Variants in AGBL3 observed in about 807,000 individuals in gnomAD.
AGBL3 encodes the protein AGBL carboxypeptidase 3.
A neutral mutation model predicts 94.5 loss-of-function variants in AGBL3; 68 were observed. The observed-to-expected ratio is 0.72, with a 90% confidence interval of 0.59 to 0.88. The LOEUF (loss-of-function observed/expected upper bound fraction) is 0.88, where lower values mean the gene tolerates loss of function less well. AGBL3 is among the 40% of genes least tolerant of loss of function. The probability of loss-of-function intolerance (pLI) is 0.00; values close to 1 mark genes in which losing one functional copy is unlikely to be tolerated. For missense variants in AGBL3, 934 were observed against 1,103.8 expected, an observed-to-expected ratio of 0.85 and a Z score of 2.18; for synonymous variants, 354 against 370.7, an observed-to-expected ratio of 0.95 and a Z score of 0.52.
intron 16 of AGBL3, among the ~76,000 whole-genome samples, chr7:135,123,265 C>T (rs576248390): frequency 6.6e-6 from 1 of 152,102 alleles, no homozygotes; most frequent in South Asian, 2.1e-4. Flanking sequence ...TATCAATAGC[C>T]GAATCGACCA....
At chr7:134,998,718 G>A (rs1811323594) in intron 4 of AGBL3, among the ~76,000 whole-genome samples, 1 of 152,194 alleles carries the variant, frequency 6.6e-6, no homozygotes. Context: ...TGAAGACACA[G>A]TCCACCCCGT....
chr7:135,107,887 G>A (rs1824988159), intron 15 of AGBL3, among the ~76,000 whole-genome samples: 1 of 151,986 alleles, frequency 6.6e-6, no homozygotes, highest in South Asian at 2.1e-4. Flanking sequence ...TATGAATCTG[G>A]GTGCTCCTGT....
intron 15 of AGBL3, among the ~76,000 whole-genome samples, chr7:135,096,338 G>GGAAA (rs1181617698): frequency 3.4e-5 from 5 of 146,130 alleles, no homozygotes; most frequent in East Asian, 2.0e-4. Context: ...AAGAAAAAGA[G>GGAAA]GAAAGAAAGA....
chr7:135,096,584 C>CATAGATAG (rs71172496), intron 15 of AGBL3, among the ~76,000 whole-genome samples: 14,951 of 88,034 alleles, frequency 0.17, 1,300 homozygotes, highest in East Asian at 0.2. Context: ...TAGATAGATA[C>CATAGATAG]ATAGATAGAT....
intron 16 of AGBL3, 42 bp downstream of exon 16, chr7:135,115,653 T>C (rs1433689004): frequency 2.1e-6 from 3 of 1,403,288 alleles, no homozygotes; most frequent in South Asian, 2.8e-5. Flanking sequence ...ATTTAACACA[T>C]CTTTTTTAAA....
chr7:135,018,829 T>C (rs904582822), intron 5 of AGBL3, among the ~76,000 whole-genome samples: 2 of 152,228 alleles, frequency 1.3e-5, no homozygotes, highest in African/African-American at 4.8e-5. Flanking sequence ...TGGTTAGTTT[T>C]TATTTTGAAT....
intron 11 of AGBL3, among the ~76,000 whole-genome samples, chr7:135,058,588 T>G (rs1437647682): frequency 6.6e-6 from 1 of 152,104 alleles, no homozygotes; most frequent in Admixed American, 6.5e-5. Context: ...CAAGCACTAT[T>G]TCCACTCTGG....
At chr7:135,075,158 G>T (rs1434632198) in intron 12 of AGBL3, among the ~76,000 whole-genome samples, 1 of 152,114 alleles carries the variant, frequency 6.6e-6, no homozygotes, top group East Asian at 1.9e-4. Context: ...TCAAAATGCT[G>T]ACCATTTCCA....
chr7:135,101,039 T>G, intron 15 of AGBL3: 2 of 380,060 alleles, frequency 5.3e-6, no homozygotes, highest in Non-Finnish European at 1.0e-5. Flanking sequence ...CATGAGTAGC[T>G]TACTGTTGAC....
At chr7:135,104,612 A>C (rs913158609) in intron 15 of AGBL3, among the ~76,000 whole-genome samples, 37 of 152,122 alleles carry the variant, frequency 2.4e-4, no homozygotes, top group African/African-American at 8.4e-4. Context: ...CTTTTTAATA[A>C]TAGTCATTCT....
At chr7:135,105,015 T>G (rs1319574325) in intron 15 of AGBL3, among the ~76,000 whole-genome samples, 1 of 151,964 alleles carries the variant, frequency 6.6e-6, no homozygotes, top group African/African-American at 2.4e-5. Flanking sequence ...ATGTGCAGAA[T>G]AGTATTGCCT....
intron 12 of AGBL3, among the ~76,000 whole-genome samples, chr7:135,064,985 T>C (rs1449899016): frequency 1.3e-5 from 2 of 152,176 alleles, no homozygotes; most frequent in African/African-American, 4.8e-5. Flanking sequence ...TGCCTTTTCT[T>C]GGTTGGTTCC....
At chr7:135,051,915 AT>A (rs1050639177) in intron 11 of AGBL3, among the ~76,000 whole-genome samples, 2 of 151,930 alleles carry the variant, frequency 1.3e-5, no homozygotes, top group Non-Finnish European at 2.9e-5. Context: ...GAAAGAGATT[AT>A]TTTTTCTATG....
Position 135,135,272 on chromosome 7 carries a change from T to C in AGBL3, c.*11T>C, listed in dbSNP as rs1829293985. 1 of 1,491,536 alleles carries C rather than the reference T, an allele frequency of 6.7e-7. No homozygotes were observed. The highest frequency in any genetic ancestry group is 8.9e-7 in the Non-Finnish European group (1 of 1,119,766). 92.4% of individuals were successfully genotyped at this position (1,491,536 alleles called of 1,614,324 possible). On this transcript the variant is annotated 3_prime_UTR_variant, in exon 17 of 17. Coordinates refer to ENST00000436302, the MANE Select transcript of AGBL3 (RefSeq NM_178563.4). ...CAAAGGGAGAGTTAATCTAGCTTTA[T>C]ACTGCTCTGAGAACTGTGAATGAAG...
chr7:135,042,602 T>A lies in AGBL3; in HGVS notation c.1501-1423T>A, dbSNP rs538148066. Among the ~76,000 whole-genome samples, 4 of 152,108 alleles carry A rather than the reference T, an allele frequency of 2.6e-5. No homozygotes were observed. The East Asian group carries it at 5.8e-4, about 22-fold the overall frequency. On this transcript the variant is annotated intron_variant, in intron 8 of 16. Coordinates refer to ENST00000436302, the MANE Select transcript of AGBL3 (RefSeq NM_178563.4). The stretch of plus-strand genomic sequence containing the variant: ...GTGTGATGGTGGTTACAGGAATCTA[T>A]ATGTGTGTTAAAATTCATAAAATGA...
chr7:135,108,018 A>C (rs1825019900), intron 15 of AGBL3, among the ~76,000 whole-genome samples: 1 of 151,940 alleles, frequency 6.6e-6, no homozygotes, highest in Non-Finnish European at 1.5e-5. Context: ...TGGTGGTCTG[A>C]AATTAGGATT....
At position 135,084,351 on chromosome 7, in the gene AGBL3, C is replaced by CA. The variant is rs551096661; in HGVS notation, c.2110+2565dup. Among the ~76,000 whole-genome samples the CA allele has an allele frequency of 9.2e-5, 14 of 152,200 alleles. 1 individual carries two copies. In the South Asian group the frequency reaches 2.9e-3, roughly 32 times the overall value. ...ATCATTTCTTTGTGTTTGGTACATT[C>CA]AAAATCTGCTCTCCTAGCTATTTGA... is the stretch of plus-strand genomic sequence containing the variant. On this transcript the variant is annotated intron_variant, in intron 15 of 16. Transcript: ENST00000436302.
chr7:135,016,168 A>G (rs1383717259), intron 4 of AGBL3, among the ~76,000 whole-genome samples: 5 of 152,232 alleles, frequency 3.3e-5, no homozygotes, highest in Non-Finnish European at 7.3e-5. Flanking sequence ...AAGACTTTCA[A>G]CTAATGAGAT....
intron 15 of AGBL3, among the ~76,000 whole-genome samples, chr7:135,105,226 C>T (rs1173248988): frequency 1.3e-5 from 2 of 152,052 alleles, no homozygotes; most frequent in African/African-American, 2.4e-5. Flanking sequence ...CCCACCACCA[C>T]GTCTGGCTAA....
Sources: gnomAD v4.1 joint callset for allele counts (sites outside exome capture counted in the v4.1 genomes callset) on GRCh38, gnomAD v4.1.1 for gene constraint, MANE v1.5 for transcripts, NCBI Gene and HGNC (gene_info 2026-07-23, HGNC 2026-07-21) for gene names.